F11: variants seen among roughly 807,000 people sequenced by gnomAD.
F11 encodes the protein coagualtion factor XI.
F11 carries 78 observed loss-of-function variants against 76.5 expected under a neutral mutation model. The ratio of observed to expected loss-of-function variants is 1.02; its 90% CI spans 0.85 to 1.23. The LOEUF is 1.23. Ranked by LOEUF, F11 falls within the 50% of genes most tolerant of loss-of-function variation. F11 has a pLI of 0.00. For synonymous variants in F11, 278 were observed against 276.3 expected (o/e 1.01, Z -0.06); for missense variants, 742 against 771.4 (o/e 0.96, Z 0.45).
In F11 at chr4:186,273,061, A is replaced by T. The variant is rs767278798; in HGVS notation, c.219-10A>T. 200 of 1,575,356 alleles carry T rather than the reference A, an allele frequency of 1.3e-4. 1 individual carries two copies. The highest frequency in any genetic ancestry group is 2.9e-4 in the East Asian group (13 of 44,392). On this transcript the variant is annotated splice_polypyrimidine_tract_variant and intron_variant, in intron 3 of 14. Coordinates refer to ENST00000403665, the MANE Select transcript of F11 (RefSeq NM_000128.4). ...TCCTATTCATTAATATGTATTTTTT[A>T]AAAAAACAGGTTTACTTGTGTCCTG...
At chr4:186,282,566 G>A (rs956864196) in intron 10 of F11, 6 of 985,206 alleles carry the variant, frequency 6.1e-6, no homozygotes, top group South Asian at 4.7e-5. Flanking sequence ...TCAGCATTTC[G>A]TTTAAACTGA....
At position 186,289,026 on chromosome 4, in the gene F11, A is replaced by ACGGC; in HGVS notation, c.*412_*413insCGGC. ...AACTGGAAGAAAGGAGAACAAAGAC[A>ACGGC]GTCTTCACCATTTTGCAGGAATCTA... On this transcript the variant is annotated 3_prime_UTR_variant, in exon 15 of 15. Transcript: ENST00000403665. 205 of 250,852 alleles carry ACGGC rather than the reference A, an allele frequency of 8.2e-4. No individual in the cohort carries two copies. Among genetic ancestry groups the ACGGC allele is most frequent in the South Asian group, 2.5e-3 (48 of 18,904 alleles). 15.5% of individuals were successfully genotyped at this position (250,852 alleles called of 1,614,324 possible). A position where few individuals can be genotyped will look rare whatever the true frequency, so the allele number is the denominator to read the frequency against.
intron 10 of F11, among the ~76,000 whole-genome samples, chr4:186,283,438 TC>T (rs1156479199): frequency 1.3e-5 from 2 of 151,996 alleles, no homozygotes; most frequent in African/African-American, 4.8e-5. Context: ...TGAGTCAAAG[TC>T]CCTGAAAAGT....
intron 7 of F11, among the ~76,000 whole-genome samples, chr4:186,277,755 C>A (rs984795485): frequency 2.0e-5 from 3 of 152,136 alleles, no homozygotes; most frequent in African/African-American, 7.2e-5. Context: ...TGGAAAATTT[C>A]TTTGATTATC....
At chr4:186,284,327 G>A in intron 11 of F11, 67 bp downstream of exon 11, 1 of 1,370,902 alleles carries the variant, frequency 7.3e-7, no homozygotes, top group Non-Finnish European at 1.0e-6. Flanking sequence ...TTACTAGCAT[G>A]TTAGGAAATA....
intron 10 of F11, chr4:186,282,830 C>G (rs1009528124): frequency 1.6e-5 from 16 of 985,220 alleles, no homozygotes; most frequent in African/African-American, 3.5e-5. Context: ...CTGCTGTTTC[C>G]TTCCGAACTC....
rs374216751 is a variant in F11, at chr4:186,274,308, T to A, written c.485+33T>A. ...AGTCCCAGGACATTCGAGTGGTCGA[T>A]GAAAAACAGAATCGTGATTTACTAA... On this transcript the variant is annotated intron_variant, in intron 5 of 14. Transcript: ENST00000403665. The A allele has an allele frequency of 1.2e-5, 19 of 1,614,054 alleles. No individual in the cohort carries two copies. In the Middle Eastern group the frequency reaches 6.6e-4, roughly 56 times the overall value.
In F11 at chr4:186,276,673, G is replaced by A. The variant is rs560069741; in HGVS notation, c.755+283G>A. Among the ~76,000 whole-genome samples, 8 of 138,480 alleles carry A rather than the reference G, an allele frequency of 5.8e-5. 1 individual carries two copies. The highest frequency in any genetic ancestry group is 2.4e-4 in the Admixed American group (3 of 12,428). 90.8% of individuals were successfully genotyped at this position (138,480 alleles called of 152,430 possible). ...ATGATTTCAGCTCACTGCAACCTTC[G>A]CCTCCCAGGTCCAAGCGATTCTCCT... is the stretch of plus-strand genomic sequence containing the variant. On this transcript the variant is annotated intron_variant, in intron 7 of 14. Coordinates refer to ENST00000403665, the MANE Select transcript of F11 (RefSeq NM_000128.4).
Position 186,272,378 on chromosome 4 carries a change from C to A in F11, c.218+607C>A, listed in dbSNP as rs184028753. Among the ~76,000 whole-genome samples the A allele has an allele frequency of 3.5e-3, 528 of 152,240 alleles. 9 individuals are homozygous for A. Among genetic ancestry groups the A allele is most frequent in the Admixed American group, 0.029 (445 of 15,270 alleles). ...TAACAAGAATTCCTTTATATTATTT[C>A]AGTTTTCCCTCAAATATAATTTATA... On this transcript the variant is annotated intron_variant, in intron 3 of 14. Transcript: ENST00000403665.
chr4:186,290,502 G>A (rs775355818), downstream of F11, among the ~76,000 whole-genome samples: 7 of 152,212 alleles, frequency 4.6e-5, no homozygotes, highest in Admixed American at 2.0e-4. Context: ...CAAAAAAAGG[G>A]TTTGGATGTA....
At chr4:186,286,330 A>G (rs894767351) in intron 12 of F11, 85 bp from the exon 13 acceptor site, 7 of 1,233,854 alleles carry the variant, frequency 5.7e-6, no homozygotes, top group South Asian at 2.4e-5. Context: ...GAAAACACAG[A>G]TAATGTACAG....
At chr4:186,281,858 A>T in intron 10 of F11, 1 of 1,200,264 alleles carries the variant, frequency 8.3e-7, no homozygotes, top group Non-Finnish European at 1.1e-6. Flanking sequence ...AATTTCTGAG[A>T]ACTTGTTTTG....
intron 7 of F11, among the ~76,000 whole-genome samples, 192 bp downstream of exon 7, chr4:186,276,582 C>T (rs928141113): frequency 1.3e-4 from 10 of 75,946 alleles, no homozygotes; most frequent in Admixed American, 1.2e-3. Context: ...ACCGAGGACT[C>T]TTTTTTTTTT....
Position 186,289,028 on chromosome 4 carries a change from T to G in F11, c.*414T>G. 8.1e-6 allele frequency: 2 copies of G among 247,450 alleles called. No individual in the cohort carries two copies. Among genetic ancestry groups the G allele is most frequent in the Non-Finnish European group, 8.0e-6 (1 of 125,134 alleles). 15.3% of individuals were successfully genotyped at this position (247,450 alleles called of 1,614,324 possible). The stretch of plus-strand genomic sequence containing the variant: ...CTGGAAGAAAGGAGAACAAAGACAG[T>G]CTTCACCATTTTGCAGGAATCTACA... On this transcript the variant is annotated 3_prime_UTR_variant, in exon 15 of 15. Coordinates refer to ENST00000403665, the MANE Select transcript of F11 (RefSeq NM_000128.4).
intron 2 of F11, among the ~76,000 whole-genome samples, chr4:186,269,253 G>A (rs4253824): frequency 0.034 from 5,215 of 151,828 alleles, 306 homozygotes; most frequent in African/African-American, 0.12. Flanking sequence ...GGTACATACC[G>A]AAAAAAAAGA....
At position 186,287,714 on chromosome 4, in the gene F11, A is replaced by G; in HGVS notation, c.1607A>G (p.Lys536Arg). 1.2e-6 allele frequency: 2 copies of G among 1,613,542 alleles called. No individual in the cohort carries two copies. Among genetic ancestry groups the G allele is most frequent in the Non-Finnish European group, 1.7e-6 (2 of 1,179,668 alleles). ...ATACAAAATACTCTCCAGAAAGCCA[A>G]GATACCCTTAGTGACCAACGAAGAG... ...DKIQNTLQKA[K>R]IPLVTNEECQ... Residue 536 changes from lysine (K) to arginine (R), a missense_variant, in exon 14 of 15, where the codon AAG becomes AGG. Coordinates refer to ENST00000403665, the MANE Select transcript of F11 (RefSeq NM_000128.4).
intron 2 of F11, 115 bp downstream of exon 2, chr4:186,267,306 TTAAC>T: frequency 3.7e-6 from 3 of 809,002 alleles, no homozygotes; most frequent in Non-Finnish European, 6.6e-6. Context: ...AATGTTTTTA[TTAAC>T]TTCCTGCCTG....
chr4:186,289,300 G>A lies in F11; in HGVS notation c.*686G>A, dbSNP rs1186580010. The stretch of plus-strand genomic sequence containing the variant: ...GGCAATCTTGAAGATACACTTTCCT[G>A]AAAAATGATTTGTGATGGATTGTAT... On this transcript the variant is annotated 3_prime_UTR_variant, in exon 15 of 15. Coordinates refer to ENST00000403665, the MANE Select transcript of F11 (RefSeq NM_000128.4). 1.3e-5 allele frequency among the ~76,000 whole-genome samples: 2 copies of A among 152,178 alleles called. No individual in the cohort carries two copies. Among genetic ancestry groups the A allele is most frequent in the African/African-American group, 4.8e-5 (2 of 41,448 alleles).
intron 6 of F11, 39 bp from the exon 7 acceptor site, chr4:186,276,192 G>A (rs763715960): frequency 1.9e-6 from 3 of 1,613,236 alleles, no homozygotes; most frequent in Middle Eastern, 1.7e-4. Flanking sequence ...CCTGATAGCT[G>A]GTGAATTGAG....
Sources: allele counts gnomAD v4.1 joint callset (sites outside exome capture counted in the v4.1 genomes callset), GRCh38; gene constraint gnomAD v4.1.1; transcripts MANE v1.5; gene names NCBI Gene and HGNC (gene_info 2026-07-23, HGNC 2026-07-21).